The following TBC1D15 variants were observed in gnomAD, a reference collection of about 807,000 sequenced individuals.
TBC1D15 encodes the protein TBC1 domain family member 15.
TBC1D15 carries 39 observed loss-of-function variants against 95.4 expected under a neutral mutation model. The observed-to-expected ratio is 0.41, with a 90% confidence interval of 0.32 to 0.53. The LOEUF (loss-of-function observed/expected upper bound fraction) is 0.53, where lower values mean the gene tolerates loss of function less well. Ranked by LOEUF, TBC1D15 falls within the 20% of genes least tolerant of loss-of-function variation. The pLI is 0.29. For synonymous variants in TBC1D15, 258 were observed against 261.3 expected (o/e 0.99, Z 0.12); for missense variants, 733 against 794.3 (o/e 0.92, Z 0.93).
intron 1 of TBC1D15, among the ~76,000 whole-genome samples, chr12:71,843,196 G>T (rs1339374965): frequency 6.6e-6 from 1 of 152,076 alleles, no homozygotes; most frequent in African/African-American, 2.4e-5. Flanking sequence ...CAGGAGAATC[G>T]CTTGAAACCA....
In TBC1D15 at chr12:71,914,766, T is replaced by C. The variant is rs191226860; in HGVS notation, c.1401+840T>C. On this transcript the variant is annotated intron_variant, in intron 12 of 16. Coordinates refer to ENST00000485960, the MANE Select transcript of TBC1D15 (RefSeq NM_001146213.3). Reference sequence around the variant, plus strand: ...TTGAATCTAACCATCTGAAATATTTTCCTGTAATACAGGGTTTAACTCAGA... The same window carrying C: ...TTGAATCTAACCATCTGAAATATTTCCCTGTAATACAGGGTTTAACTCAGA... Among the ~76,000 whole-genome samples, 10 of 152,182 alleles carry C rather than the reference T, an allele frequency of 6.6e-5. No individual in the cohort carries two copies. The East Asian group carries it at 1.5e-3, about 23-fold the overall frequency.
At chr12:71,922,380 C>T (rs915550722) in intron 16 of TBC1D15, among the ~76,000 whole-genome samples, 1 of 150,702 alleles carries the variant, frequency 6.6e-6, no homozygotes, top group Non-Finnish European at 1.5e-5. Context: ...CCATCACGCC[C>T]GGCCATGACT....
intron 2 of TBC1D15, among the ~76,000 whole-genome samples, chr12:71,872,614 A>G (rs1305308047): frequency 1.3e-5 from 2 of 152,158 alleles, no homozygotes; most frequent in African/African-American, 2.4e-5. Context: ...CTGCATGTGC[A>G]TTGCTTTTAC....
chr12:71,889,297 C>G (rs1021099543), intron 5 of TBC1D15, among the ~76,000 whole-genome samples: 1 of 152,156 alleles, frequency 6.6e-6, no homozygotes, highest in Admixed American at 6.5e-5. Context: ...CTTCTAATAT[C>G]AGCCACTGCT....
Position 71,870,107 on chromosome 12 carries a change from T to C in TBC1D15, c.31-1963T>C, listed in dbSNP as rs535147596. On this transcript the variant is annotated intron_variant, in intron 1 of 16. Coordinates refer to ENST00000485960, the MANE Select transcript of TBC1D15 (RefSeq NM_001146213.3). ...ATACATGATGATTTTTCTGTGTGCA[T>C]TGTCTGTTTCCCCATCCATTTAATC... 2.8e-4 allele frequency among the ~76,000 whole-genome samples: 42 copies of C among 152,176 alleles called. 1 individual carries two copies. Among genetic ancestry groups the C allele is most frequent in the Non-Finnish European group, 5.0e-4 (34 of 68,022 alleles).
intron 3 of TBC1D15, among the ~76,000 whole-genome samples, chr12:71,877,053 T>C (rs981703509): frequency 1.3e-5 from 2 of 151,966 alleles, no homozygotes; most frequent in African/African-American, 4.8e-5. Context: ...TCAAGTGATC[T>C]GTCCACCTCA....
At chr12:71,864,172 C>T (rs556787738) in intron 1 of TBC1D15, among the ~76,000 whole-genome samples, 8 of 151,970 alleles carry the variant, frequency 5.3e-5, no homozygotes, top group South Asian at 2.1e-4. Context: ...TGGGTTCAAG[C>T]GATTTTCCTG....
chr12:71,908,982 AT>A (rs2138930859), intron 11 of TBC1D15, among the ~76,000 whole-genome samples: 1 of 152,284 alleles, frequency 6.6e-6, no homozygotes, highest in African/African-American at 2.4e-5. Flanking sequence ...GAATAGGACC[AT>A]TCTCCTTGGG....
chr12:71,880,709 A>G, intron 4 of TBC1D15, 102 bp downstream of exon 4: 1 of 1,298,628 alleles, frequency 7.7e-7, no homozygotes, highest in South Asian at 2.0e-5. Context: ...GAGAAGGATG[A>G]TTAATTTCTT....
At chr12:71,917,827 G>A in intron 13 of TBC1D15, 30 bp downstream of exon 13, 2 of 1,420,748 alleles carry the variant, frequency 1.4e-6, no homozygotes, top group Non-Finnish European at 2.0e-6. Context: ...ACTATACCCA[G>A]CAAATTGTAG....
intron 10 of TBC1D15, among the ~76,000 whole-genome samples, chr12:71,904,941 G>A (rs1390832300): frequency 6.6e-6 from 1 of 152,102 alleles, no homozygotes; most frequent in Non-Finnish European, 1.5e-5. Context: ...TATAAAATGG[G>A]GTCAGTCAAC....
chr12:71,906,256 A>G (rs1442236572), intron 10 of TBC1D15, among the ~76,000 whole-genome samples: 1 of 152,216 alleles, frequency 6.6e-6, no homozygotes, highest in Non-Finnish European at 1.5e-5. Context: ...CTTTTAAACA[A>G]TTGATTCTAC....
At chr12:71,893,398 G>C (rs1897562911) in intron 6 of TBC1D15, 74 bp downstream of exon 6, 1 of 989,056 alleles carries the variant, frequency 1.0e-6, no homozygotes, top group Non-Finnish European at 1.5e-6. Context: ...CATCTTCTCA[G>C]AGAGTATGCA....
intron 1 of TBC1D15, among the ~76,000 whole-genome samples, chr12:71,869,296 G>A (rs1282033952): frequency 6.6e-6 from 1 of 152,190 alleles, no homozygotes. Context: ...GCCAAGGTGG[G>A]CAGGTCACCT....
intron 1 of TBC1D15, among the ~76,000 whole-genome samples, chr12:71,840,819 A>G (rs1002588818): frequency 3.3e-5 from 5 of 152,198 alleles, no homozygotes; most frequent in Non-Finnish European, 5.9e-5. Flanking sequence ...AGGCGGCTGA[A>G]TGACAAATAT....
chr12:71,890,515 C>G (rs960875386), intron 5 of TBC1D15, among the ~76,000 whole-genome samples: 1 of 152,092 alleles, frequency 6.6e-6, no homozygotes, highest in Non-Finnish European at 1.5e-5. Flanking sequence ...CAATCTACTT[C>G]CTAGTGAATT....
intron 8 of TBC1D15, 150 bp downstream of exon 8, chr12:71,896,225 T>C (rs1195378412): frequency 4.4e-6 from 3 of 689,272 alleles, no homozygotes; most frequent in Non-Finnish European, 6.9e-6. Flanking sequence ...CTCTGTTATT[T>C]CTTTGATGAA....
At chr12:71,896,826 C>T (rs1898286687) in intron 9 of TBC1D15, 46 bp downstream of exon 9, 1 of 1,466,854 alleles carries the variant, frequency 6.8e-7, no homozygotes, top group East Asian at 2.3e-5. Flanking sequence ...TTCAAGTAAC[C>T]CACTCATACA....
intron 1 of TBC1D15, among the ~76,000 whole-genome samples, chr12:71,864,047 G>A (rs1160444241): frequency 1.3e-5 from 2 of 149,716 alleles, no homozygotes; most frequent in African/African-American, 2.4e-5. Context: ...GAATTGTTAT[G>A]TTCCCTTGGT....
Sources: gnomAD v4.1 joint callset for allele counts (sites outside exome capture counted in the v4.1 genomes callset) on GRCh38, gnomAD v4.1.1 for gene constraint, MANE v1.5 for transcripts, NCBI Gene and HGNC (gene_info 2026-07-23, HGNC 2026-07-21) for gene names.